CTNNA3: variants seen among roughly 807,000 people sequenced by gnomAD.
CTNNA3 encodes the protein catenin alpha 3.
CTNNA3 carries 76 observed loss-of-function variants against 95.7 expected under a neutral mutation model. The observed-to-expected ratio is 0.79, with a 90% CI of 0.66 to 0.96. CTNNA3 has a LOEUF of 0.96. Ranked by LOEUF, CTNNA3 falls within the 40% of genes least tolerant of loss-of-function variation. The probability of loss-of-function intolerance (pLI) is 0.00; values close to 1 mark genes in which losing one functional copy is unlikely to be tolerated. For synonymous variants in CTNNA3, 431 were observed against 374.4 expected, an observed-to-expected ratio of 1.15 and a Z score of -1.74; for missense variants, 1,191 against 1,089.8, an observed-to-expected ratio of 1.09 and a Z score of -1.31.
intron 7 of CTNNA3, among the ~76,000 whole-genome samples, chr10:66,969,567 T>C (rs927065273): frequency 1.3e-5 from 2 of 152,182 alleles, no homozygotes; most frequent in African/African-American, 4.8e-5. Context: ...TTAGCATTTT[T>C]GATCCATAAC....
chr10:66,029,719 T>C (rs1418109289), intron 15 of CTNNA3, among the ~76,000 whole-genome samples: 2 of 152,198 alleles, frequency 1.3e-5, no homozygotes, highest in Non-Finnish European at 2.9e-5. Flanking sequence ...GGAACATTTG[T>C]AGTTTTCACT....
rs1652537233 is a variant in CTNNA3 at position 66,420,835 on chromosome 10, A to AATTAATTAATT, written c.1532-41484_1532-41483insAATTAATTAAT. Among the ~76,000 whole-genome samples the AATTAATTAATT allele has an allele frequency of 2.9e-3, 268 of 93,008 alleles. 3 individuals carry two copies. In the South Asian group the frequency reaches 0.04, roughly 14 times the overall value. 61.0% of individuals were successfully genotyped at this position (93,008 alleles called of 152,430 possible). On this transcript the variant is annotated intron_variant, in intron 11 of 17. Coordinates refer to ENST00000433211, the MANE Select transcript of CTNNA3 (RefSeq NM_013266.4). ...TAAATAAATAAATAAATAAATAAATAAATAAAAAACAATATGGAGATTTCT... is the reference window on the plus strand; with the variant it reads ...TAAATAAATAAATAAATAAATAAATAATTAATTAATTAATAAAAAACAATATGGAGATTTCT...
chr10:66,025,503 A>T (rs10740218), intron 15 of CTNNA3, among the ~76,000 whole-genome samples: 1 of 151,958 alleles, frequency 6.6e-6, no homozygotes, highest in Non-Finnish European at 1.5e-5. Context: ...AGCCCTGAAT[A>T]CTGTTGGAAG....
At chr10:66,650,946 G>A (rs1845875490) in intron 9 of CTNNA3, among the ~76,000 whole-genome samples, 1 of 152,102 alleles carries the variant, frequency 6.6e-6, no homozygotes, top group African/African-American at 2.4e-5. Flanking sequence ...CGCTGGCTCG[G>A]GCAGCCTCCT....
intron 1 of CTNNA3, among the ~76,000 whole-genome samples, chr10:67,720,963 A>T (rs1320495669): frequency 6.6e-6 from 1 of 152,124 alleles, no homozygotes; most frequent in Non-Finnish European, 1.5e-5. Flanking sequence ...CAGAAAAAAA[A>T]ATGTTGAATA....
chr10:66,850,634 A>C (rs1298761779), intron 7 of CTNNA3, among the ~76,000 whole-genome samples: 1 of 151,760 alleles, frequency 6.6e-6, no homozygotes, highest in East Asian at 1.9e-4. Flanking sequence ...TTGTATTTTG[A>C]CTACTATTCT....
chr10:66,453,915 T>A (rs894119082), intron 11 of CTNNA3, among the ~76,000 whole-genome samples: 1 of 152,186 alleles, frequency 6.6e-6, no homozygotes, highest in Non-Finnish European at 1.5e-5. Flanking sequence ...TGTGAATATG[T>A]TACCTTACAT....
intron 1 of CTNNA3, among the ~76,000 whole-genome samples, chr10:67,720,082 T>C (rs1457531274): frequency 2.7e-5 from 4 of 148,796 alleles, no homozygotes; most frequent in Non-Finnish European, 5.9e-5. Flanking sequence ...TTCGTATTTT[T>C]ATTGGTTTAA....
At chr10:66,096,524 TTC>T in intron 14 of CTNNA3, among the ~76,000 whole-genome samples, 1 of 127,956 alleles carries the variant, frequency 7.8e-6, no homozygotes, top group African/African-American at 2.7e-5. Context: ...TTTCTTTTCT[TTC>T]TTTTTTTTTT....
chr10:65,953,074 T>C (rs2077651758), intron 17 of CTNNA3, among the ~76,000 whole-genome samples: 1 of 152,220 alleles, frequency 6.6e-6, no homozygotes, highest in African/African-American at 2.4e-5. Context: ...TGTTCCTGAA[T>C]TTCCTTTTTC....
intron 5 of CTNNA3, among the ~76,000 whole-genome samples, chr10:67,436,574 C>G (rs1030662471): frequency 6.6e-6 from 1 of 152,062 alleles, no homozygotes; most frequent in Non-Finnish European, 1.5e-5. Flanking sequence ...ATCTATACAT[C>G]TGACAAAGGA....
At chr10:67,028,412 C>A in intron 7 of CTNNA3, among the ~76,000 whole-genome samples, 1 of 151,450 alleles carries the variant, frequency 6.6e-6, no homozygotes, top group African/African-American at 2.4e-5. Flanking sequence ...CATTTCTCAA[C>A]CAAAAAATTT....
At chr10:66,693,945 G>A (rs1847658608) in intron 9 of CTNNA3, among the ~76,000 whole-genome samples, 1 of 151,906 alleles carries the variant, frequency 6.6e-6, no homozygotes, top group South Asian at 2.1e-4. Context: ...CAGAATCTCT[G>A]GGACACATTC....
At chr10:67,736,451 A>ATTTTTT (rs71468819) in intron 1 of CTNNA3, among the ~76,000 whole-genome samples, 1 of 118,068 alleles carries the variant, frequency 8.5e-6, no homozygotes. Context: ...TTTTACCACA[A>ATTTTTT]TTTTTTTTTT....
intron 5 of CTNNA3, among the ~76,000 whole-genome samples, chr10:67,262,522 G>T (rs1866661340): frequency 6.6e-6 from 1 of 152,088 alleles, no homozygotes; most frequent in Admixed American, 6.6e-5. Context: ...AATCATAAGG[G>T]TATCCTACAA....
At chr10:67,309,087 A>G (rs1564554595) in intron 5 of CTNNA3, among the ~76,000 whole-genome samples, 1 of 152,158 alleles carries the variant, frequency 6.6e-6, no homozygotes, top group South Asian at 2.1e-4. Context: ...ATTATGACTC[A>G]TCTCAAAAAG....
At chr10:67,483,993 G>C (rs1477495936) in intron 5 of CTNNA3, among the ~76,000 whole-genome samples, 1 of 151,934 alleles carries the variant, frequency 6.6e-6, no homozygotes, top group Non-Finnish European at 1.5e-5. Flanking sequence ...AGTTCAAATG[G>C]AACCAAAAAA....
intron 13 of CTNNA3, among the ~76,000 whole-genome samples, chr10:66,261,114 T>A (rs993179958): frequency 1.3e-5 from 2 of 152,118 alleles, no homozygotes; most frequent in Admixed American, 6.6e-5. Flanking sequence ...CAGGTAGTGA[T>A]CTCTCAACAA....
At chr10:66,882,321 C>G (rs1174524513) in intron 7 of CTNNA3, among the ~76,000 whole-genome samples, 2 of 152,088 alleles carry the variant, frequency 1.3e-5, no homozygotes, top group Non-Finnish European at 2.9e-5. Context: ...AGAAAGGGAA[C>G]AGTCCCATAG....
Sources: gnomAD v4.1 joint callset for allele counts (sites outside exome capture counted in the v4.1 genomes callset) on GRCh38, gnomAD v4.1.1 for gene constraint, MANE v1.5 for transcripts, NCBI Gene and HGNC (gene_info 2026-07-23, HGNC 2026-07-21) for gene names.